The following RGPD2 variants were observed in gnomAD, a reference collection of about 807,000 sequenced individuals.
RGPD2 encodes the protein RANBP2 like and GRIP domain containing 2.
A neutral mutation model predicts 36.0 loss-of-function variants in RGPD2; 2 were observed. The ratio of observed to expected loss-of-function variants is 0.06; its 90% CI spans 0.02 to 0.17. The LOEUF (loss-of-function observed/expected upper bound fraction) is 0.17, where lower values mean the gene tolerates loss of function less well. Ranked by LOEUF, RGPD2 falls within the 10% of genes least tolerant of loss-of-function variation. RGPD2 has a pLI of 1.00. For missense variants in RGPD2, 40 were observed against 464.3 expected (o/e 0.09, Z 8.40); for synonymous variants, 19 against 163.8 (o/e 0.12, Z 6.75).
the RGPD2 span, among the ~76,000 whole-genome samples, chr2:87,943,914 A>G: frequency 1.3e-5 from 2 of 152,068 alleles, no homozygotes; most frequent in Non-Finnish European, 2.9e-5. Flanking sequence ...TCCAAAAGTT[A>G]GTTGGCTTCA....
chr2:87,956,267 A>AT, the RGPD2 span, among the ~76,000 whole-genome samples: 7 of 150,172 alleles, frequency 4.7e-5, no homozygotes, highest in African/African-American at 1.7e-4. Flanking sequence ...AATAATTTTA[A>AT]TTTTTTTTCA....
At chr2:87,938,404 G>A in the RGPD2 span, among the ~76,000 whole-genome samples, 4 of 147,952 alleles carry the variant, frequency 2.7e-5, no homozygotes, top group Non-Finnish European at 6.0e-5. Flanking sequence ...TAGGATTTGG[G>A]TAGGTTATTA....
chr2:87,825,245 G>T, intron 1 of RGPD2: 1 of 393,436 alleles, frequency 2.5e-6, no homozygotes, highest in South Asian at 1.3e-4. Flanking sequence ...ACCCAACAAT[G>T]ACTAATCCAA....
chr2:87,988,541 A>ATATATATATTTTT, the RGPD2 span, among the ~76,000 whole-genome samples: 10 of 54,146 alleles, frequency 1.8e-4, no homozygotes, highest in Non-Finnish European at 3.4e-4. Context: ...ATATATATAT[A>ATATATATATTTTT]TTTTTTTTTT....
At chr2:87,917,152 T>C in the RGPD2 span, among the ~76,000 whole-genome samples, 107 of 151,768 alleles carry the variant, frequency 7.1e-4, no homozygotes, top group African/African-American at 2.5e-3. Flanking sequence ...AGTCAAGGAG[T>C]CCAGTCCAGC....
At chr2:87,775,831 TG>T in intron 20 of RGPD2, among the ~76,000 whole-genome samples, 1 of 28,424 alleles carries the variant, frequency 3.5e-5, no homozygotes, top group African/African-American at 9.9e-5. Context: ...AGGAATAAAC[TG>T]AAACTGTCAG....
At chr2:87,953,024 G>A in the RGPD2 span, among the ~76,000 whole-genome samples, 2 of 151,466 alleles carry the variant, frequency 1.3e-5, no homozygotes, top group Non-Finnish European at 2.9e-5. Context: ...ATTACTGATG[G>A]CTAAAAATAG....
the RGPD2 span, among the ~76,000 whole-genome samples, chr2:87,897,048 C>T: frequency 6.6e-6 from 1 of 152,296 alleles, no homozygotes; most frequent in African/African-American, 2.4e-5. Context: ...GCATGAAAAG[C>T]CAGTTAAAGT....
At chr2:87,961,940 C>T in the RGPD2 span, among the ~76,000 whole-genome samples, 6 of 138,322 alleles carry the variant, frequency 4.3e-5, no homozygotes, top group Admixed American at 2.3e-4. Context: ...GAGGTCGAGG[C>T]GGGAGGATCC....
the RGPD2 span, among the ~76,000 whole-genome samples, chr2:87,943,274 TGTCTTTTTG>T: frequency 7.8e-6 from 1 of 128,744 alleles, no homozygotes; most frequent in African/African-American, 2.9e-5. Flanking sequence ...GTGGTTTTTT[TGTCTTTTTG>T]ATGATAGTAA....
chr2:87,934,991 C>T, the RGPD2 span, among the ~76,000 whole-genome samples: 2 of 150,822 alleles, frequency 1.3e-5, no homozygotes, highest in Non-Finnish European at 3.0e-5. Context: ...CATGCAGTTG[C>T]AGTTATACTT....
the RGPD2 span, among the ~76,000 whole-genome samples, chr2:87,855,007 T>C: frequency 6.6e-6 from 1 of 152,190 alleles, no homozygotes; most frequent in South Asian, 2.1e-4. Context: ...CGTGTGTGTG[T>C]GTGTGCGTGT....
At chr2:87,884,952 C>T in the RGPD2 span, among the ~76,000 whole-genome samples, 1 of 152,186 alleles carries the variant, frequency 6.6e-6, no homozygotes, top group Non-Finnish European at 1.5e-5. Context: ...GCCAGCCTCA[C>T]CATGATACCA....
the RGPD2 span, among the ~76,000 whole-genome samples, chr2:87,831,698 AAGAG>A: frequency 2.7e-4 from 41 of 150,194 alleles, no homozygotes; most frequent in African/African-American, 8.5e-4. Context: ...AATCCTAATA[AAGAG>A]AAAGACCTAC....
the RGPD2 span, among the ~76,000 whole-genome samples, chr2:87,876,343 T>A: frequency 3.3e-5 from 5 of 152,154 alleles, no homozygotes; most frequent in Admixed American, 1.3e-4. Context: ...GAGTTCTTTT[T>A]AACTTTTTGC....
chr2:87,868,682 CT>C, the RGPD2 span, among the ~76,000 whole-genome samples: 1 of 152,096 alleles, frequency 6.6e-6, no homozygotes, highest in Non-Finnish European at 1.5e-5. Context: ...GGCAAACATA[CT>C]TCTATCTCAA....
At chr2:87,824,825 G>GGCCGCC (rs1218425688) in intron 1 of RGPD2, 3 of 93,176 alleles carry the variant, frequency 3.2e-5, no homozygotes, top group African/African-American at 4.8e-5. Flanking sequence ...GCCAGGCCGA[G>GGCCGCC]GCCGCCGCCG....
the RGPD2 span, among the ~76,000 whole-genome samples, chr2:87,984,929 C>CAA: frequency 2.9e-5 from 2 of 68,686 alleles, no homozygotes; most frequent in African/African-American, 5.9e-5. Flanking sequence ...CATTCTGTCT[C>CAA]AAAAAAAAAA....
At chr2:87,985,896 G>T in the RGPD2 span, 7 of 1,600,942 alleles carry the variant, frequency 4.4e-6, no homozygotes, top group Non-Finnish European at 2.6e-6. Context: ...AAACTTAATT[G>T]TTTGCAAACA....
Sources: allele counts gnomAD v4.1 joint callset (sites outside exome capture counted in the v4.1 genomes callset), GRCh38; gene constraint gnomAD v4.1.1; transcripts MANE v1.5; gene names NCBI Gene and HGNC (gene_info 2026-07-23, HGNC 2026-07-21).